Variants in FAM110B observed in about 807,000 individuals in gnomAD.
FAM110B encodes the protein protein FAM110B.
A neutral mutation model predicts 20.4 loss-of-function variants in FAM110B; 6 were observed. The ratio of observed to expected loss-of-function variants is 0.29; its 90% confidence interval spans 0.16 to 0.58. The LOEUF (loss-of-function observed/expected upper bound fraction) is 0.58, where lower values mean the gene tolerates loss of function less well. Ranked by LOEUF, FAM110B falls within the 20% of genes least tolerant of loss-of-function variation. The pLI is 0.90. For missense variants in FAM110B, 434 were observed against 498.2 expected (o/e 0.87, Z 1.23); for synonymous variants, 226 against 214.1 (o/e 1.06, Z -0.49).
intron 2 of FAM110B, among the ~76,000 whole-genome samples, chr8:58,036,431 T>C (rs1805074876): frequency 6.6e-6 from 1 of 152,220 alleles, no homozygotes; most frequent in Admixed American, 6.5e-5. Context: ...TTGCTAAGTG[T>C]TCTTCTTTCC....
chr8:58,098,935 A>T (rs1331798254), intron 3 of FAM110B: 1 of 152,340 alleles, frequency 6.6e-6, no homozygotes, highest in Admixed American at 6.5e-5. Context: ...TTCTGCATTG[A>T]TCTTGCTGGG....
At chr8:58,045,883 C>T (rs566205256) in intron 2 of FAM110B, among the ~76,000 whole-genome samples, 1 of 152,186 alleles carries the variant, frequency 6.6e-6, no homozygotes, top group Non-Finnish European at 1.5e-5. Flanking sequence ...GTTTTGGAGT[C>T]TAAGATCAAG....
chr8:58,097,140 C>A (rs1411663489), intron 3 of FAM110B, among the ~76,000 whole-genome samples: 1 of 152,168 alleles, frequency 6.6e-6, no homozygotes, highest in African/African-American at 2.4e-5. Flanking sequence ...AGAGTGTTTT[C>A]CAACTTGGTT....
In FAM110B at chr8:58,141,283, A is replaced by T. The variant is rs544875791; in HGVS notation, c.-324-4624A>T. 3.3e-5 allele frequency among the ~76,000 whole-genome samples: 5 copies of T among 152,384 alleles called. No homozygotes were observed. The South Asian group carries it at 8.3e-4, about 25-fold the overall frequency. On this transcript the variant is annotated intron_variant, in intron 3 of 3. Coordinates refer to ENST00000519262, the MANE Select transcript of FAM110B (RefSeq NM_001377989.1). ...TAAACGTTTTGTTATCTGGCATGTT[A>T]GGAAGCTAGAAGAATCAGTTCTAGA...
chr8:57,996,061 AT>A (rs1229439374), intron 1 of FAM110B, among the ~76,000 whole-genome samples: 1 of 152,160 alleles, frequency 6.6e-6, no homozygotes, highest in African/African-American at 2.4e-5. Flanking sequence ...TCTTGTACTC[AT>A]TTTTGTGACA....
At chr8:58,026,308 A>T (rs759612423) in intron 1 of FAM110B, among the ~76,000 whole-genome samples, 2 of 151,810 alleles carry the variant, frequency 1.3e-5, no homozygotes, top group Non-Finnish European at 2.9e-5. Flanking sequence ...TTTTTGGATG[A>T]TGAACTTTGT....
chr8:58,019,632 A>G (rs1804709627), intron 1 of FAM110B, among the ~76,000 whole-genome samples: 1 of 152,026 alleles, frequency 6.6e-6, no homozygotes, highest in African/African-American at 2.4e-5. Flanking sequence ...CTAGGTTGAC[A>G]GCTTCCTTTT....
chr8:58,133,747 C>G (rs1012813770), intron 3 of FAM110B, among the ~76,000 whole-genome samples: 7 of 152,212 alleles, frequency 4.6e-5, no homozygotes, highest in African/African-American at 1.7e-4. Flanking sequence ...TGACACCAGT[C>G]TCTCCTCTCC....
intron 3 of FAM110B, among the ~76,000 whole-genome samples, chr8:58,101,300 A>G (rs973621734): frequency 3.9e-5 from 6 of 152,232 alleles, no homozygotes; most frequent in Non-Finnish European, 2.9e-5. Flanking sequence ...ATCAAACACA[A>G]TTGGTGTGAG....
intron 3 of FAM110B, among the ~76,000 whole-genome samples, chr8:58,139,376 A>C (rs1249694562): frequency 6.6e-6 from 1 of 152,206 alleles, no homozygotes; most frequent in Non-Finnish European, 1.5e-5. Context: ...AGAAAAAGAC[A>C]CAGCATTCAG....
chr8:58,081,704 C>A (rs17175390), intron 3 of FAM110B, among the ~76,000 whole-genome samples: 1 of 152,114 alleles, frequency 6.6e-6, no homozygotes, highest in South Asian at 2.1e-4. Context: ...GCGTCTTGCC[C>A]GAAATCCCCT....
At chr8:58,105,743 T>C (rs543991325) in intron 3 of FAM110B, among the ~76,000 whole-genome samples, 1 of 151,790 alleles carries the variant, frequency 6.6e-6, no homozygotes, top group Non-Finnish European at 1.5e-5. Flanking sequence ...TAATTTTTTG[T>C]ATTTTTTTAG....
chr8:58,040,673 A>G lies in FAM110B; in HGVS notation c.-414+8970A>G, dbSNP rs377118397. 3.9e-5 allele frequency among the ~76,000 whole-genome samples: 6 copies of G among 152,348 alleles called. No individual in the cohort carries two copies. The South Asian group carries it at 8.3e-4, about 21-fold the overall frequency. On this transcript the variant is annotated intron_variant, in intron 2 of 3. Transcript: ENST00000519262. Reference sequence around the variant, plus strand: ...CACCTTTTTTGCTAACAATTATATTAGGAACTTTAAAATTGTATTTTGATT... The same window carrying G: ...CACCTTTTTTGCTAACAATTATATTGGGAACTTTAAAATTGTATTTTGATT...
intron 1 of FAM110B, among the ~76,000 whole-genome samples, chr8:58,012,560 TC>T (rs1489317815): frequency 6.6e-6 from 1 of 152,206 alleles, no homozygotes; most frequent in Non-Finnish European, 1.5e-5. Flanking sequence ...AAGAATGATT[TC>T]TTTGAGTAGA....
At chr8:58,038,203 A>T (rs1257713181) in intron 2 of FAM110B, among the ~76,000 whole-genome samples, 1 of 152,200 alleles carries the variant, frequency 6.6e-6, no homozygotes, top group Non-Finnish European at 1.5e-5. Flanking sequence ...AAAATTAAGT[A>T]TCAGGTACTG....
intron 3 of FAM110B, among the ~76,000 whole-genome samples, chr8:58,109,708 G>A (rs184092071): frequency 3.0e-4 from 45 of 152,224 alleles, no homozygotes; most frequent in African/African-American, 9.1e-4. Context: ...GGATACCCAC[G>A]GGGGATCCAA....
chr8:58,146,530 G>T lies in FAM110B; in HGVS notation c.300G>T (p.Val100=). ...CACTGGGCAGCCCCACGCTCAAAGT[G>T]TTCGGCAACCACGCCAAGACCGAGA... ...KRALGSPTLK[V]FGNHAKTESG... The change falls in exon 4 of 4, where the codon GTG becomes GTT. Residue 100 remains valine, a synonymous_variant. Coordinates refer to ENST00000519262, the MANE Select transcript of FAM110B (RefSeq NM_001377989.1). 3.1e-6 allele frequency: 5 copies of T among 1,613,964 alleles called. No individual in the cohort carries two copies. The highest frequency in any genetic ancestry group is 2.2e-5 in the South Asian group (2 of 91,088).
At chr8:58,037,479 A>AT (rs1251500645) in intron 2 of FAM110B, among the ~76,000 whole-genome samples, 6 of 151,864 alleles carry the variant, frequency 4.0e-5, no homozygotes, top group African/African-American at 1.5e-4. Flanking sequence ...CACAAAAAAA[A>AT]AAATTAAAAA....
intron 3 of FAM110B, among the ~76,000 whole-genome samples, chr8:58,140,733 C>T (rs9297985): frequency 0.52 from 79,559 of 152,050 alleles, 20,859 homozygotes; most frequent in South Asian, 0.6. Flanking sequence ...ATACCAGCCA[C>T]TGGAGTGTCT....
Sources: allele counts gnomAD v4.1 joint callset (sites outside exome capture counted in the v4.1 genomes callset), GRCh38; gene constraint gnomAD v4.1.1; transcripts MANE v1.5; gene names NCBI Gene and HGNC (gene_info 2026-07-23, HGNC 2026-07-21).